Variants in FSTL4 observed in about 807,000 individuals in gnomAD.
FSTL4 encodes the protein follistatin-related protein 4.
A neutral mutation model predicts 78.2 loss-of-function variants in FSTL4; 28 were observed. The observed-to-expected ratio is 0.36, with a 90% CI of 0.27 to 0.49. The LOEUF (loss-of-function observed/expected upper bound fraction) is 0.49, where lower values mean the gene tolerates loss of function less well. FSTL4 is among the 20% of genes least tolerant of loss of function. The probability of loss-of-function intolerance (pLI) is 0.98; values close to 1 mark genes in which losing one functional copy is unlikely to be tolerated. For missense variants in FSTL4, 922 were observed against 1,084.9 expected, an observed-to-expected ratio of 0.85 and a Z score of 2.11; for synonymous variants, 422 against 440.5, an observed-to-expected ratio of 0.96 and a Z score of 0.53.
rs143025521 is a variant in FSTL4 at position 133,199,195 on chromosome 5, C to T, written c.2429G>A (p.Arg810Gln). Residue 810 changes from arginine (R) to glutamine (Q), a missense_variant, in exon 16 of 16, where the codon CGA becomes CAA. Arg to Gln is a conservative substitution (Grantham distance 43). Transcript: ENST00000265342. The surrounding 1 kb of genome is among the most constrained non-coding windows in gnomAD (Gnocchi z 4.4). ...CCCATTGATGAGGAACAGTGACTCTCGGGCTGGTGTGAGGAGGTACTGTCC... is the reference window on the plus strand; with the variant it reads ...CCCATTGATGAGGAACAGTGACTCTTGGGCTGGTGTGAGGAGGTACTGTCC... The part of the protein sequence containing the change: ...LFGQYLLTPA[R>Q]ESLFLINGRQ... 117 of 1,612,168 alleles carry T rather than the reference C, an allele frequency of 7.3e-5. No homozygotes were observed. The highest frequency in any genetic ancestry group is 9.0e-5 in the Non-Finnish European group (106 of 1,178,646).
the FSTL4 span, among the ~76,000 whole-genome samples, chr5:133,714,496 G>GCA: frequency 1.3e-5 from 2 of 152,220 alleles, no homozygotes; most frequent in Admixed American, 6.5e-5. Context: ...CTGGAACAGT[G>GCA]TCTGGTACAG....
At chr5:133,734,843 C>G in the FSTL4 span, among the ~76,000 whole-genome samples, 2 of 152,166 alleles carry the variant, frequency 1.3e-5, no homozygotes, top group African/African-American at 2.4e-5. Context: ...GATCTCCACT[C>G]TCTGCCTTTC....
intron 4 of FSTL4, among the ~76,000 whole-genome samples, chr5:133,335,874 G>A (rs897615477): frequency 6.6e-6 from 1 of 152,106 alleles, no homozygotes; most frequent in Non-Finnish European, 1.5e-5. Flanking sequence ...CCCATGAGGG[G>A]TGCTTCTTAA....
Position 133,567,049 on chromosome 5 carries a change from C to G in FSTL4, c.160+137G>C, listed in dbSNP as rs1302371702. The G allele has an allele frequency of 4.3e-6, 3 of 703,538 alleles. No individual in the cohort carries two copies. The African/African-American group carries it at 5.3e-5, about 12-fold the overall frequency. The allele number at this position is 703,538 out of a possible 1,614,324, so 43.6% of individuals were successfully genotyped here. A position where few individuals can be genotyped will look rare whatever the true frequency, so the allele number is the denominator to read the frequency against. ...GCAGTCCCTACAGACAAGTGCTAAG[C>G]AGTCAGCACCCAGAAAAGGCCGCAT... On this transcript the variant is annotated intron_variant, in intron 3 of 15. Coordinates refer to ENST00000265342, the MANE Select transcript of FSTL4 (RefSeq NM_015082.2).
At chr5:133,688,530 T>C in the FSTL4 span, among the ~76,000 whole-genome samples, 235 of 152,338 alleles carry the variant, frequency 1.5e-3, 2 homozygotes, top group Non-Finnish European at 2.5e-4. Flanking sequence ...TGCTTTGTCA[T>C]TGACTTGAAA....
intron 3 of FSTL4, among the ~76,000 whole-genome samples, chr5:133,527,038 C>T (rs141783849): frequency 2.1e-4 from 32 of 152,288 alleles, no homozygotes; most frequent in African/African-American, 7.5e-4. Context: ...CTGAGTGCAG[C>T]CCTCTGTCCT....
the FSTL4 span, among the ~76,000 whole-genome samples, chr5:133,658,457 T>C: frequency 1.3e-5 from 2 of 152,266 alleles, no homozygotes; most frequent in Non-Finnish European, 2.9e-5. Context: ...AGAGTTATAG[T>C]TATACTAAGA....
At chr5:133,610,853 C>T (rs1009527613) in intron 1 of FSTL4, among the ~76,000 whole-genome samples, 25 of 152,190 alleles carry the variant, frequency 1.6e-4, no homozygotes, top group African/African-American at 6.0e-4. Flanking sequence ...CTCACTGATC[C>T]GTCTTTTCCC....
intron 5 of FSTL4, among the ~76,000 whole-genome samples, chr5:133,315,998 G>T (rs1023913860): frequency 6.6e-6 from 1 of 152,218 alleles, no homozygotes; most frequent in Non-Finnish European, 1.5e-5. Context: ...GCAGGGCTTG[G>T]TGGGGGTTGA....
chr5:133,510,623 G>C (rs769468315), intron 3 of FSTL4, among the ~76,000 whole-genome samples: 2 of 152,058 alleles, frequency 1.3e-5, no homozygotes, highest in Non-Finnish European at 2.9e-5. Context: ...TCCCTACCCA[G>C]ATTTTATCTC....
At chr5:133,739,564 T>C in the FSTL4 span, among the ~76,000 whole-genome samples, 1 of 152,126 alleles carries the variant, frequency 6.6e-6, no homozygotes, top group South Asian at 2.1e-4. Flanking sequence ...TGGGTCTTTC[T>C]CCATCATTAA....
At chr5:133,757,244 ATTT>A in the FSTL4 span, among the ~76,000 whole-genome samples, 3 of 152,198 alleles carry the variant, frequency 2.0e-5, no homozygotes, top group Non-Finnish European at 2.9e-5. Flanking sequence ...AATTTTAATA[ATTT>A]TTTTATCTCA....
At chr5:133,309,772 A>G (rs1337726249) in intron 6 of FSTL4, among the ~76,000 whole-genome samples, 2 of 152,212 alleles carry the variant, frequency 1.3e-5, no homozygotes, top group African/African-American at 4.8e-5. Context: ...TTGACTCCGC[A>G]TCGGTAGGCT....
At chr5:133,668,419 C>G in the FSTL4 span, among the ~76,000 whole-genome samples, 1 of 152,156 alleles carries the variant, frequency 6.6e-6, no homozygotes, top group Non-Finnish European at 1.5e-5. Flanking sequence ...TGATAGACTA[C>G]CTGCAGACAG....
the FSTL4 span, among the ~76,000 whole-genome samples, chr5:133,787,233 T>C: frequency 1.3e-5 from 2 of 151,896 alleles, no homozygotes; most frequent in African/African-American, 4.9e-5. Context: ...ACTATTTATT[T>C]AGAACTCAAA....
intron 3 of FSTL4, among the ~76,000 whole-genome samples, chr5:133,480,113 T>C (rs144088453): frequency 5.9e-4 from 90 of 152,342 alleles, no homozygotes; most frequent in African/African-American, 2.1e-3. Flanking sequence ...CCAGGCGAAG[T>C]TGACCCTGCT....
intron 4 of FSTL4, among the ~76,000 whole-genome samples, chr5:133,325,065 G>A (rs1159701532): frequency 6.6e-6 from 1 of 152,230 alleles, no homozygotes; most frequent in Non-Finnish European, 1.5e-5. Flanking sequence ...CAGCTGCCTG[G>A]GAATTGCTTC....
chr5:133,334,040 A>G (rs553171133), intron 4 of FSTL4: 1 of 152,388 alleles, frequency 6.6e-6, no homozygotes, highest in East Asian at 1.9e-4. Context: ...GAGTGCCAAC[A>G]GGAGATCTTT....
chr5:133,398,072 G>C (rs1324356511), intron 4 of FSTL4, among the ~76,000 whole-genome samples: 1 of 151,992 alleles, frequency 6.6e-6, no homozygotes, highest in Non-Finnish European at 1.5e-5. Context: ...AGAGGTTCCC[G>C]ACAGAGCCTC....
Sources: gnomAD v4.1 joint callset for allele counts (sites outside exome capture counted in the v4.1 genomes callset) on GRCh38, gnomAD v4.1.1 for gene constraint, Gnocchi (gnomAD v3.1) non-coding constraint, MANE v1.5 for transcripts, NCBI Gene and HGNC (gene_info 2026-07-23, HGNC 2026-07-21) for gene names.